The following PCDH11Y variants were observed in gnomAD, a reference collection of about 807,000 sequenced individuals.
The protein encoded by PCDH11Y is protocadherin-11 Y-linked.
For synonymous variants in PCDH11Y, 9 were observed against 83.6 expected (o/e 0.11, Z 4.87); for missense variants, 12 against 224.8 (o/e 0.05, Z 6.05).
chrY:5,639,522 C>A, intron 4 of PCDH11Y, among the ~76,000 whole-genome samples: 1 of 28,911 alleles, frequency 3.5e-5, no homozygotes, highest in African/African-American at 1.4e-4. Flanking sequence ...AATGTATATA[C>A]CTTAGTTTAA....
At chrY:5,599,875 A>T in intron 4 of PCDH11Y, among the ~76,000 whole-genome samples, 2 of 32,883 alleles carry the variant, frequency 6.1e-5, no homozygotes, top group Admixed American at 2.8e-4. Context: ...CAATCAAGGT[A>T]CAATTTGAGA....
intron 2 of PCDH11Y, among the ~76,000 whole-genome samples, chrY:5,344,662 ACTTTT>A: frequency 3.1e-5 from 1 of 32,684 alleles, no homozygotes; most frequent in African/African-American, 1.2e-4. Context: ...CCATTTTCTA[ACTTTT>A]CTTTTATTTT....
chrY:5,009,403 C>G (rs2124617833), intron 1 of PCDH11Y, among the ~76,000 whole-genome samples: 1 of 33,435 alleles, frequency 3.0e-5, no homozygotes, highest in Non-Finnish European at 7.4e-5. Context: ...ATTCAAGTAT[C>G]AATGCATTAT....
intron 3 of PCDH11Y, among the ~76,000 whole-genome samples, chrY:5,537,887 G>A: frequency 4.8e-4 from 16 of 33,142 alleles, no homozygotes; most frequent in Admixed American, 4.4e-3. Context: ...TCGGGTAGTT[G>A]CCTTTTGTAT....
At chrY:5,366,384 C>T in intron 2 of PCDH11Y, among the ~76,000 whole-genome samples, 1 of 33,195 alleles carries the variant, frequency 3.0e-5, no homozygotes, top group East Asian at 7.8e-4. Context: ...ATAGTTAATT[C>T]CCAACAATAA....
rs2124693797 is a variant in PCDH11Y, at chrY:5,548,430, C to T, written c.3329-33345C>T. On this transcript the variant is annotated intron_variant, in intron 3 of 4. Coordinates refer to the PCDH11Y transcript ENST00000400457. ...GAAATATGGGCATATGTAAAGAGGC[C>T]AAATCTACTAATCATTGACATCCCT... Among the ~76,000 whole-genome samples the T allele has an allele frequency of 3.1e-4, 10 of 32,196 alleles. No individual in the cohort carries two copies. In the South Asian group the frequency reaches 7.0e-3, roughly 23 times the overall value. 86.4% of individuals were successfully genotyped at this position (32,196 alleles called of 37,273 possible). A position where few individuals can be genotyped will look rare whatever the true frequency, so the allele number is the denominator to read the frequency against.
At chrY:5,438,505 C>T in intron 2 of PCDH11Y, among the ~76,000 whole-genome samples, 2 of 33,008 alleles carry the variant, frequency 6.1e-5, no homozygotes, top group Non-Finnish European at 1.5e-4. Context: ...CTTTCTTCCA[C>T]GTCAATAGAG....
At chrY:5,696,516 T>C in intron 4 of PCDH11Y, among the ~76,000 whole-genome samples, 1 of 33,052 alleles carries the variant, frequency 3.0e-5, no homozygotes, top group Admixed American at 2.8e-4. Context: ...TTCTTTATTA[T>C]TCTAGCTAGT....
chrY:5,099,727 G>A (rs2052768538), exon 2 of PCDH11Y: 1 of 395,448 alleles, frequency 2.5e-6, no homozygotes, highest in Non-Finnish European at 3.5e-6. Flanking sequence ...TTATGAATTG[G>A]TTCTACCGTC....
intron 1 of PCDH11Y, among the ~76,000 whole-genome samples, chrY:5,011,247 G>T (rs2052549258): frequency 3.0e-5 from 1 of 33,835 alleles, no homozygotes; most frequent in Non-Finnish European, 7.4e-5. Flanking sequence ...TGTCCATTTT[G>T]CAGTCAAATC....
chrY:5,187,439 GAT>G (rs2052907394), intron 2 of PCDH11Y, among the ~76,000 whole-genome samples: 1 of 32,074 alleles, frequency 3.1e-5, no homozygotes, highest in Non-Finnish European at 7.6e-5. Flanking sequence ...TTAAAATCTA[GAT>G]AGAAGTTCCC....
intron 2 of PCDH11Y, among the ~76,000 whole-genome samples, chrY:5,255,628 C>A (rs2053009817): frequency 3.0e-5 from 1 of 32,944 alleles, no homozygotes; most frequent in Non-Finnish European, 7.4e-5. Context: ...CCAAACTTTT[C>A]TCCATAGTGA....
chrY:5,232,767 G>A, intron 2 of PCDH11Y, among the ~76,000 whole-genome samples: 1 of 31,903 alleles, frequency 3.1e-5, no homozygotes, highest in Non-Finnish European at 7.6e-5. Flanking sequence ...TCACATACAC[G>A]TTGCAATTCT....
chrY:5,320,552 T>G, intron 2 of PCDH11Y, among the ~76,000 whole-genome samples: 1 of 33,666 alleles, frequency 3.0e-5, no homozygotes, highest in Non-Finnish European at 7.4e-5. Flanking sequence ...GTTAAGGTGT[T>G]CAACATCTTT....
chrY:5,599,843 T>G, intron 4 of PCDH11Y, among the ~76,000 whole-genome samples: 1 of 33,083 alleles, frequency 3.0e-5, no homozygotes, highest in Non-Finnish European at 7.4e-5. Context: ...CAAATATTTC[T>G]GATTTTTTAT....
intron 3 of PCDH11Y, among the ~76,000 whole-genome samples, chrY:5,576,784 AG>A (rs2053446574): frequency 3.0e-5 from 1 of 33,169 alleles, no homozygotes; most frequent in Non-Finnish European, 7.5e-5. Flanking sequence ...TGTGTACATG[AG>A]GGGGTAAATT....
At chrY:5,058,786 C>A (rs2052668944) in intron 1 of PCDH11Y, among the ~76,000 whole-genome samples, 1 of 32,854 alleles carries the variant, frequency 3.0e-5, no homozygotes, top group African/African-American at 1.2e-4. Flanking sequence ...CTAAGGAGAA[C>A]AGTTTTGAGG....
chrY:5,707,283 TA>T (rs2053583677), intron 4 of PCDH11Y, among the ~76,000 whole-genome samples: 1 of 18,391 alleles, frequency 5.4e-5, no homozygotes. Flanking sequence ...TACAGTGTAC[TA>T]AAAAATATAT....
intron 4 of PCDH11Y, among the ~76,000 whole-genome samples, chrY:5,588,364 C>A (rs2053457836): frequency 1.7e-3 from 56 of 32,924 alleles, no homozygotes; most frequent in African/African-American, 6.1e-3. Flanking sequence ...GAATAGTTTA[C>A]ACACCAAAGT....
Sources: gnomAD v4.1 joint callset for allele counts (sites outside exome capture counted in the v4.1 genomes callset) on GRCh38, gnomAD v4.1.1 for gene constraint, MANE v1.5 for transcripts, NCBI Gene and HGNC (gene_info 2026-07-23, HGNC 2026-07-21) for gene names.